Variants in PTPRT observed in about 807,000 individuals in gnomAD.
PTPRT encodes receptor-type tyrosine-protein phosphatase T.
PTPRT carries 56 observed loss-of-function variants against 176.8 expected under a neutral mutation model. The ratio of observed to expected loss-of-function variants is 0.32; its 90% CI spans 0.26 to 0.40. The LOEUF (loss-of-function observed/expected upper bound fraction) is 0.40, where lower values mean the gene tolerates loss of function less well. Ranked by LOEUF, PTPRT falls within the 10% of genes least tolerant of loss-of-function variation. PTPRT has a pLI of 1.00. For missense variants in PTPRT, 1,540 were observed against 1,908.2 expected, an observed-to-expected ratio of 0.81 and a Z score of 3.60; for synonymous variants, 783 against 739.0, an observed-to-expected ratio of 1.06 and a Z score of -0.96.
chr20:42,361,483 T>C (rs891519396), intron 9 of PTPRT, among the ~76,000 whole-genome samples: 11 of 152,178 alleles, frequency 7.2e-5, no homozygotes, highest in African/African-American at 2.7e-4. Flanking sequence ...ATTTTGTGAC[T>C]TCTAAGATTA....
chr20:42,696,942 G>C (rs1442957863), intron 6 of PTPRT, among the ~76,000 whole-genome samples: 2 of 152,138 alleles, frequency 1.3e-5, no homozygotes, highest in Non-Finnish European at 2.9e-5. Context: ...ATTCTTGTGA[G>C]ATAATAAATG....
intron 1 of PTPRT, among the ~76,000 whole-genome samples, chr20:43,026,146 C>T (rs2146187421): frequency 6.6e-6 from 1 of 152,240 alleles, no homozygotes; most frequent in Non-Finnish European, 1.5e-5. Context: ...GAGACGGAGT[C>T]TTACTCTGTC....
intron 1 of PTPRT, among the ~76,000 whole-genome samples, chr20:42,986,763 A>G (rs1484097197): frequency 1.3e-5 from 2 of 152,190 alleles, no homozygotes; most frequent in Admixed American, 1.3e-4. Context: ...CTATCTGCAG[A>G]TGAAGAAACT....
In PTPRT at chr20:42,081,985, G is replaced by A. The variant is rs1983371989; in HGVS notation, c.4169C>T (p.Ala1390Val). The change falls in exon 30 of 31, where the codon GCC becomes GTC. Residue 1390 changes from alanine to valine, a missense_variant. Around this residue, in one of 11 missense-constraint regions of PTPRT, gnomAD observed 342 missense variants for 394.0 expected, o/e 0.87. Transcript: ENST00000373187. ...GATCATCTCACACACACTGCAGATGGCACAGAAGGTTCCACTACGGCCTCC... is the reference window on the plus strand; with the variant it reads ...GATCATCTCACACACACTGCAGATGACACAGAAGGTTCCACTACGGCCTCC... Reference protein sequence around the residue: ...NGGGRSGTFCAICSVCEMIQQ... With the variant: ...NGGGRSGTFCVICSVCEMIQQ... The A allele has an allele frequency of 1.2e-6, 2 of 1,614,102 alleles. No homozygotes were observed. The highest frequency in any genetic ancestry group is 1.1e-5 in the South Asian group (1 of 91,088).
chr20:42,154,481 T>C (rs1223481213), intron 17 of PTPRT, among the ~76,000 whole-genome samples: 1 of 152,250 alleles, frequency 6.6e-6, no homozygotes, highest in African/African-American at 2.4e-5. Context: ...GTGTCCGTCC[T>C]GAGCTGGAAA....
intron 6 of PTPRT, among the ~76,000 whole-genome samples, chr20:42,690,535 T>A (rs762375166): frequency 6.6e-6 from 1 of 152,136 alleles, no homozygotes; most frequent in Non-Finnish European, 1.5e-5. Flanking sequence ...ACAAAGCTAG[T>A]GTTCAACATG....
chr20:42,766,807 G>A (rs1398000885), intron 5 of PTPRT, among the ~76,000 whole-genome samples: 1 of 152,194 alleles, frequency 6.6e-6, no homozygotes, highest in East Asian at 1.9e-4. Context: ...TGGCCGAGTT[G>A]AGAAGTTACC....
At chr20:42,361,772 C>T (rs1265938521) in intron 9 of PTPRT, among the ~76,000 whole-genome samples, 2 of 152,172 alleles carry the variant, frequency 1.3e-5, no homozygotes, top group African/African-American at 2.4e-5. Context: ...GGACCCTAGA[C>T]ATTGTGGAGC....
intron 5 of PTPRT, among the ~76,000 whole-genome samples, chr20:42,760,140 C>T (rs1427480253): frequency 1.3e-5 from 2 of 152,148 alleles, no homozygotes; most frequent in African/African-American, 2.4e-5. Flanking sequence ...AAACTTCTTA[C>T]TTGACGGAGG....
At chr20:42,545,760 G>T (rs1213392088) in intron 7 of PTPRT, among the ~76,000 whole-genome samples, 1 of 152,130 alleles carries the variant, frequency 6.6e-6, no homozygotes, top group Non-Finnish European at 1.5e-5. Flanking sequence ...AGGTCACATG[G>T]AGCTGGCAAT....
intron 2 of PTPRT, among the ~76,000 whole-genome samples, chr20:42,829,035 T>G (rs1253151569): frequency 6.6e-6 from 1 of 151,948 alleles, no homozygotes; most frequent in Non-Finnish European, 1.5e-5. Flanking sequence ...TCACAGGCAC[T>G]CCACACAAGC....
intron 18 of PTPRT, among the ~76,000 whole-genome samples, chr20:42,137,854 G>A (rs964124196): frequency 6.6e-6 from 1 of 152,208 alleles, no homozygotes; most frequent in African/African-American, 2.4e-5. Context: ...ACCTGGGACT[G>A]CCTGACCTCA....
At chr20:42,588,296 T>C (rs1380388727) in intron 7 of PTPRT, among the ~76,000 whole-genome samples, 1 of 151,942 alleles carries the variant, frequency 6.6e-6, no homozygotes, top group African/African-American at 2.4e-5. Flanking sequence ...ATACAAAAAT[T>C]AGCCAGGCGT....
chr20:42,214,968 A>G (rs568031759), intron 15 of PTPRT, among the ~76,000 whole-genome samples: 1 of 152,244 alleles, frequency 6.6e-6, no homozygotes, highest in South Asian at 2.1e-4. Context: ...TCAAATAGGG[A>G]TAATTATAAT....
intron 7 of PTPRT, among the ~76,000 whole-genome samples, chr20:42,549,102 G>A (rs1218101459): frequency 2.0e-5 from 3 of 152,142 alleles, no homozygotes; most frequent in Non-Finnish European, 4.4e-5. Context: ...CCAATTTATA[G>A]TCCAGAGAAC....
At chr20:42,177,820 T>C (rs1044862082) in intron 16 of PTPRT, among the ~76,000 whole-genome samples, 8 of 152,090 alleles carry the variant, frequency 5.3e-5, no homozygotes, top group African/African-American at 1.9e-4. Flanking sequence ...AAGATCTTTC[T>C]GTCTGTCTGT....
At chr20:42,101,618 C>T (rs1481543420) in intron 26 of PTPRT, among the ~76,000 whole-genome samples, 2 of 152,162 alleles carry the variant, frequency 1.3e-5, no homozygotes, top group East Asian at 3.9e-4. Flanking sequence ...TTTACTGCTT[C>T]CCACTACTTT....
chr20:43,063,771 G>A (rs546698876), intron 1 of PTPRT, among the ~76,000 whole-genome samples: 1 of 152,296 alleles, frequency 6.6e-6, no homozygotes, highest in South Asian at 2.1e-4. Context: ...GCCTAGACAG[G>A]AACCACTGAA....
At position 42,084,808 on chromosome 20, in the gene PTPRT, T is replaced by G. The variant is rs1174574627; in HGVS notation, c.4010A>C (p.Tyr1337Ser). ...DGYRIVQHLQ[Y>S]IGWPAYRDTP... ...GTCCCGGTAGGCAGGCCAGCCAATG[T>G]ACTGGAGGTGCTGGACTATACGATA... The change falls in exon 29 of 31, where the codon TAC becomes TCC. Residue 1337 changes from tyrosine to serine, a missense_variant. Tyr to Ser is a moderately radical substitution (Grantham distance 144). Transcript: ENST00000373187. 6.5e-7 allele frequency: 1 copy of G among 1,541,784 alleles called. No individual in the cohort carries two copies. The highest frequency in any genetic ancestry group is 1.8e-5 in the Admixed American group (1 of 55,334).
Sources: allele counts gnomAD v4.1 joint callset (sites outside exome capture counted in the v4.1 genomes callset), GRCh38; gene constraint gnomAD v4.1.1; regional missense constraint gnomAD v4.1.1; transcripts MANE v1.5; gene names NCBI Gene and HGNC (gene_info 2026-07-23, HGNC 2026-07-21).